Variants in EXT1 observed in about 807,000 individuals in gnomAD.
EXT1 encodes exostosin-1.
EXT1 carries 20 observed loss-of-function variants against 82.5 expected under a neutral mutation model. That is an observed-to-expected ratio of 0.24 (90% CI 0.17 to 0.35). EXT1 has a LOEUF of 0.35. Ranked by LOEUF, EXT1 falls within the 10% of genes least tolerant of loss-of-function variation. EXT1 has a pLI of 1.00. For synonymous variants in EXT1, 348 were observed against 350.8 expected (o/e 0.99, Z 0.09); for missense variants, 757 against 936.5 (o/e 0.81, Z 2.50).
intron 1 of EXT1, among the ~76,000 whole-genome samples, chr8:117,941,326 G>C (rs1814268863): frequency 6.6e-6 from 1 of 152,310 alleles, no homozygotes; most frequent in South Asian, 2.1e-4. Context: ...GACAGTTAGA[G>C]GAAGATAAGA....
chr8:118,043,909 A>G (rs1481408403), intron 1 of EXT1, among the ~76,000 whole-genome samples: 1 of 152,216 alleles, frequency 6.6e-6, no homozygotes, highest in Non-Finnish European at 1.5e-5. Flanking sequence ...CATCTACAGA[A>G]TAATAACAAT....
At chr8:118,007,344 C>T in intron 1 of EXT1, among the ~76,000 whole-genome samples, 1 of 151,900 alleles carries the variant, frequency 6.6e-6, no homozygotes, top group East Asian at 1.9e-4. Flanking sequence ...AACATGCCTA[C>T]AGACAGGTTA....
At chr8:117,941,382 T>C (rs1484986765) in intron 1 of EXT1, among the ~76,000 whole-genome samples, 3 of 152,206 alleles carry the variant, frequency 2.0e-5, no homozygotes, top group Admixed American at 6.5e-5. Context: ...GGGACTTTGC[T>C]ACTATAACAT....
chr8:117,833,689 T>A (rs574899675), intron 3 of EXT1, among the ~76,000 whole-genome samples: 26 of 152,294 alleles, frequency 1.7e-4, no homozygotes, highest in African/African-American at 5.5e-4. Context: ...AGACAAACTT[T>A]CAATTTGTTC....
chr8:117,911,815 G>C (rs1296600674), intron 1 of EXT1, among the ~76,000 whole-genome samples: 2 of 152,122 alleles, frequency 1.3e-5, no homozygotes, highest in Non-Finnish European at 2.9e-5. Context: ...CTTTATTCTA[G>C]TACTTAGCTT....
At chr8:118,032,541 G>C (rs555201004) in intron 1 of EXT1, among the ~76,000 whole-genome samples, 22 of 139,812 alleles carry the variant, frequency 1.6e-4, no homozygotes, top group East Asian at 6.2e-4. Flanking sequence ...ACAGAGTTTC[G>C]CTCTCGTTGC....
At chr8:118,035,597 A>AACACACAC (rs59295132) in intron 1 of EXT1, among the ~76,000 whole-genome samples, 1 of 150,298 alleles carries the variant, frequency 6.7e-6, no homozygotes, top group African/African-American at 2.4e-5. Flanking sequence ...ACTCAATTCA[A>AACACACAC]ACACACACAC....
chr8:118,036,259 A>T (rs1816417352), intron 1 of EXT1, among the ~76,000 whole-genome samples: 1 of 152,054 alleles, frequency 6.6e-6, no homozygotes, highest in Non-Finnish European at 1.5e-5. Flanking sequence ...TACATGCTTA[A>T]TGACACCAGT....
chr8:117,933,478 T>C (rs910242542), intron 1 of EXT1, among the ~76,000 whole-genome samples: 1 of 152,160 alleles, frequency 6.6e-6, no homozygotes, highest in African/African-American at 2.4e-5. Flanking sequence ...AATCGTGACC[T>C]CAAGGGATCC....
chr8:117,856,647 T>C (rs1046594629), intron 1 of EXT1, among the ~76,000 whole-genome samples: 5 of 152,012 alleles, frequency 3.3e-5, no homozygotes, highest in Admixed American at 6.6e-5. Flanking sequence ...GGTTGGCTCA[T>C]GAGGCTTTAA....
At chr8:117,862,068 G>A (rs10098149) in intron 1 of EXT1, among the ~76,000 whole-genome samples, 9,925 of 145,946 alleles carry the variant, frequency 0.068, 1,369 homozygotes, top group East Asian at 0.11. Context: ...AGACACTAGA[G>A]ATGCTCAATC....
Position 118,111,048 on chromosome 8 carries a change from T to G in EXT1, c.-2A>C. ...GAAATAGCGTTTTTTGGCCTGCATG[T>G]GTCCTGCCTGGGTCAAGAGGATTGT... On this transcript the variant is annotated 5_prime_UTR_variant, in exon 1 of 11. Transcript: ENST00000378204. The G allele has an allele frequency of 1.3e-6, 2 of 1,591,588 alleles. No homozygotes were observed. Among genetic ancestry groups the G allele is most frequent in the Non-Finnish European group, 1.7e-6 (2 of 1,175,438 alleles).
intron 4 of EXT1, among the ~76,000 whole-genome samples, chr8:117,826,326 T>G (rs2129759738): frequency 6.6e-6 from 1 of 152,194 alleles, no homozygotes; most frequent in South Asian, 2.1e-4. Context: ...GACCCCATAA[T>G]CCCATTCCCA....
At chr8:117,810,479 T>C (rs545523875) in intron 8 of EXT1, among the ~76,000 whole-genome samples, 3 of 152,232 alleles carry the variant, frequency 2.0e-5, no homozygotes, top group Admixed American at 6.5e-5. Context: ...CCTCCCAGCA[T>C]GCATTGAGTG....
chr8:117,979,383 AAAAC>A (rs2129761461), intron 1 of EXT1, among the ~76,000 whole-genome samples: 1 of 149,550 alleles, frequency 6.7e-6, no homozygotes, highest in African/African-American at 2.5e-5. Context: ...AACAAACAAA[AAAAC>A]AAAACAAAAA....
chr8:117,927,685 T>C (rs1813978679), intron 1 of EXT1, among the ~76,000 whole-genome samples: 2 of 152,206 alleles, frequency 1.3e-5, no homozygotes, highest in African/African-American at 2.4e-5. Context: ...AATAGAAAGA[T>C]ACTTCTGCCT....
At chr8:117,843,584 G>T (rs1812306486) in intron 1 of EXT1, among the ~76,000 whole-genome samples, 1 of 152,094 alleles carries the variant, frequency 6.6e-6, no homozygotes, top group Admixed American at 6.5e-5. Flanking sequence ...TGGGGGTGTG[G>T]GCTGCTGTTA....
At chr8:117,833,519 G>A (rs1038229561) in intron 3 of EXT1, among the ~76,000 whole-genome samples, 1 of 152,060 alleles carries the variant, frequency 6.6e-6, no homozygotes, top group Admixed American at 6.5e-5. Context: ...GGAGGCTGAG[G>A]CAGAAGAATC....
intron 1 of EXT1, among the ~76,000 whole-genome samples, chr8:117,925,057 C>G (rs1409485733): frequency 1.3e-5 from 2 of 152,096 alleles, no homozygotes; most frequent in Admixed American, 1.3e-4. Flanking sequence ...AAACATAGAA[C>G]TGTAATTTTT....
Sources: allele counts gnomAD v4.1 joint callset (sites outside exome capture counted in the v4.1 genomes callset), GRCh38; gene constraint gnomAD v4.1.1; transcripts MANE v1.5; gene names NCBI Gene and HGNC (gene_info 2026-07-23, HGNC 2026-07-21).